The following FAF1 variants were observed in gnomAD, a reference collection of about 807,000 sequenced individuals.
The protein encoded by FAF1 is FAS-associated factor 1.
Under a neutral mutation model 92.5 loss-of-function variants are expected in FAF1, and 25 were observed. That is an observed-to-expected ratio of 0.27 (90% CI 0.20 to 0.38). FAF1 has a LOEUF of 0.38. Among genes scored for constraint, FAF1 ranks in the 10% least tolerant of loss-of-function variants. The pLI is 1.00. For synonymous variants in FAF1, 234 were observed against 273.2 expected, an observed-to-expected ratio of 0.86 and a Z score of 1.42; for missense variants, 636 against 793.3, an observed-to-expected ratio of 0.80 and a Z score of 2.38.
At chr1:50,446,009 A>G (rs1646223112) in intron 18 of FAF1, among the ~76,000 whole-genome samples, 1 of 152,190 alleles carries the variant, frequency 6.6e-6, no homozygotes, top group Admixed American at 6.5e-5. Context: ...TTCCTTTTCT[A>G]AAAAGCCTAT....
At chr1:50,941,547 C>T (rs1210792810) in intron 1 of FAF1, among the ~76,000 whole-genome samples, 1 of 152,078 alleles carries the variant, frequency 6.6e-6, no homozygotes, top group African/African-American at 2.4e-5. Flanking sequence ...TTTGTAGAGA[C>T]AAGATCTCAC....
chr1:50,541,767 G>A (rs1648769674), intron 13 of FAF1, among the ~76,000 whole-genome samples: 1 of 151,624 alleles, frequency 6.6e-6, no homozygotes, highest in Admixed American at 6.6e-5. Context: ...AAGAGAGAGA[G>A]AGAAGAGAAA....
intron 8 of FAF1, among the ~76,000 whole-genome samples, chr1:50,605,834 AT>A (rs1273364064): frequency 2.0e-5 from 3 of 152,222 alleles, no homozygotes; most frequent in African/African-American, 7.2e-5. Flanking sequence ...TATTTGTTGA[AT>A]GTTATACTAA....
chr1:50,487,479 T>A (rs1646781488), intron 17 of FAF1, among the ~76,000 whole-genome samples: 1 of 152,236 alleles, frequency 6.6e-6, no homozygotes, highest in African/African-American at 2.4e-5. Context: ...TGTATTCATG[T>A]AAGTTTCTTG....
At chr1:50,519,222 TG>T (rs1647359138) in intron 15 of FAF1, among the ~76,000 whole-genome samples, 1 of 151,376 alleles carries the variant, frequency 6.6e-6, no homozygotes, top group African/African-American at 2.4e-5. Context: ...CCCAGCTACT[TG>T]GGGGGCTGAG....
intron 8 of FAF1, among the ~76,000 whole-genome samples, chr1:50,626,606 T>C (rs927799345): frequency 2.6e-5 from 4 of 152,114 alleles, no homozygotes; most frequent in Non-Finnish European, 5.9e-5. Flanking sequence ...TTTGCAGAAG[T>C]AAGCAAGAAT....
chr1:50,624,755 T>C (rs1017410400), intron 8 of FAF1, among the ~76,000 whole-genome samples: 1 of 152,236 alleles, frequency 6.6e-6, no homozygotes, highest in African/African-American at 2.4e-5. Flanking sequence ...ATATATTCCC[T>C]TGGTGTGACT....
At chr1:50,800,376 A>T (rs1661941578) in intron 3 of FAF1, among the ~76,000 whole-genome samples, 1 of 152,238 alleles carries the variant, frequency 6.6e-6, no homozygotes, top group Non-Finnish European at 1.5e-5. Context: ...AGTGATATTT[A>T]GCAGTGTGAA....
chr1:50,713,743 G>A (rs553657710), intron 6 of FAF1, among the ~76,000 whole-genome samples: 6 of 149,608 alleles, frequency 4.0e-5, no homozygotes, highest in African/African-American at 9.8e-5. Context: ...GATTACAACC[G>A]TAAGTCACTG....
At chr1:50,942,406 C>T (rs750456775) in intron 1 of FAF1, among the ~76,000 whole-genome samples, 38 of 151,242 alleles carry the variant, frequency 2.5e-4, no homozygotes, top group Non-Finnish European at 5.0e-4. Context: ...CACTGCACCA[C>T]ATCACATGTA....
At chr1:50,637,417 C>T (rs1170196224) in intron 8 of FAF1, among the ~76,000 whole-genome samples, 3 of 151,078 alleles carry the variant, frequency 2.0e-5, no homozygotes, top group Admixed American at 1.3e-4. Context: ...CGCGCCATTG[C>T]ACTCCAGCCT....
At chr1:50,652,314 T>C (rs1298092134) in intron 8 of FAF1, among the ~76,000 whole-genome samples, 3 of 152,192 alleles carry the variant, frequency 2.0e-5, no homozygotes, top group African/African-American at 7.2e-5. Context: ...ATAAAAACCA[T>C]TAAAACATGG....
chr1:50,550,417 G>C (rs972337637), intron 13 of FAF1, among the ~76,000 whole-genome samples: 1 of 148,602 alleles, frequency 6.7e-6, no homozygotes, highest in Non-Finnish European at 1.5e-5. Context: ...CAGGAGGAAA[G>C]TCTTTAACAG....
chr1:50,664,431 T>C (rs754090850), intron 7 of FAF1, among the ~76,000 whole-genome samples: 5 of 151,710 alleles, frequency 3.3e-5, no homozygotes, highest in Admixed American at 6.6e-5. Context: ...AAGATATCTA[T>C]ATATGTCAGA....
intron 1 of FAF1, among the ~76,000 whole-genome samples, chr1:50,937,335 G>C (rs899045983): frequency 6.6e-6 from 1 of 152,112 alleles, no homozygotes; most frequent in Non-Finnish European, 1.5e-5. Context: ...TAAGTAGTAA[G>C]AGTGGTGGAA....
chr1:50,788,470 G>C (rs970334961), intron 3 of FAF1, among the ~76,000 whole-genome samples: 1 of 152,086 alleles, frequency 6.6e-6, no homozygotes, highest in Non-Finnish European at 1.5e-5. Flanking sequence ...TTTACCTTGT[G>C]TTGTTATAAT....
intron 7 of FAF1, among the ~76,000 whole-genome samples, chr1:50,657,512 C>G (rs751308591): frequency 1.3e-5 from 2 of 151,670 alleles, no homozygotes; most frequent in Non-Finnish European, 2.9e-5. Context: ...CAATGAGCCA[C>G]GACTGTGCCA....
At chr1:50,777,099 T>C (rs1262392046) in intron 4 of FAF1, among the ~76,000 whole-genome samples, 2 of 151,344 alleles carry the variant, frequency 1.3e-5, no homozygotes, top group Admixed American at 6.6e-5. Flanking sequence ...TCTACAAAAA[T>C]GATAATAATA....
In FAF1 at chr1:50,508,610, G is replaced by A. The variant is rs148167679; in HGVS notation, c.1495-16809C>T. Among the ~76,000 whole-genome samples the A allele has an allele frequency of 4.8e-3, 733 of 152,340 alleles. 3 individuals are homozygous for A. The highest frequency in any genetic ancestry group is 9.5e-3 in the South Asian group (46 of 4,828). The stretch of plus-strand genomic sequence containing the variant: ...TGGGGATGGAGAGTGACTGCCTAAT[G>A]GGTAGGGGGGTGATAAAAATGTTTT... On this transcript the variant is annotated intron_variant, in intron 15 of 18. Coordinates refer to ENST00000396153, the MANE Select transcript of FAF1 (RefSeq NM_007051.3).
Sources: gnomAD v4.1 joint callset for allele counts (sites outside exome capture counted in the v4.1 genomes callset) on GRCh38, gnomAD v4.1.1 for gene constraint, MANE v1.5 for transcripts, NCBI Gene and HGNC (gene_info 2026-07-23, HGNC 2026-07-21) for gene names.